LRRN3: variants seen among roughly 807,000 people sequenced by gnomAD.
LRRN3 encodes leucine-rich repeat neuronal protein 3.
LRRN3 carries 15 observed loss-of-function variants against 40.1 expected under a neutral mutation model. The observed-to-expected ratio is 0.37, with a 90% CI of 0.25 to 0.58. LRRN3 has a LOEUF of 0.58. Ranked by LOEUF, LRRN3 falls within the 20% of genes least tolerant of loss-of-function variation. The pLI, the probability that LRRN3 is intolerant of heterozygous loss-of-function variation, is 0.72. For missense variants in LRRN3, 746 were observed against 837.7 expected, an observed-to-expected ratio of 0.89 and a Z score of 1.35; for synonymous variants, 308 against 297.2, an observed-to-expected ratio of 1.04 and a Z score of -0.37.
intron 2 of LRRN3, among the ~76,000 whole-genome samples, chr7:111,116,527 A>C (rs1431829389): frequency 6.6e-6 from 1 of 152,138 alleles, no homozygotes; most frequent in Admixed American, 6.5e-5. Context: ...CTAATAAACA[A>C]ATTTCTTTAT....
chr7:111,105,081 T>C (rs111577584), intron 2 of LRRN3, among the ~76,000 whole-genome samples: 147 of 151,986 alleles, frequency 9.7e-4, no homozygotes, highest in Non-Finnish European at 1.8e-3. Context: ...TCCTATTTCC[T>C]TACTAAAGGT....
intron 2 of LRRN3, among the ~76,000 whole-genome samples, chr7:111,110,124 G>C (rs373978907): frequency 4.6e-5 from 7 of 152,264 alleles, no homozygotes; most frequent in South Asian, 2.1e-4. Context: ...AACACAGTGA[G>C]ACTCTGTCTC....
At chr7:111,115,793 G>A (rs553899255) in intron 2 of LRRN3, among the ~76,000 whole-genome samples, 4 of 151,902 alleles carry the variant, frequency 2.6e-5, no homozygotes, top group Admixed American at 1.3e-4. Context: ...TCAGCCTCCC[G>A]AGTAGCTGGG....
chr7:111,117,534 G>C (rs1800034207), intron 2 of LRRN3, among the ~76,000 whole-genome samples: 2 of 152,090 alleles, frequency 1.3e-5, no homozygotes, highest in African/African-American at 2.4e-5. Context: ...CATTTCCTGA[G>C]AGTTGTCATA....
Position 111,124,008 on chromosome 7 carries a change from C to T in LRRN3, c.1236C>T (p.Phe412=), listed in dbSNP as rs746873893. ...GTCAGAATGTTCGGCAAGTGCATTT[C>T]AGGGACATGATGGAAATTTGTCTCC... ...FQGQNVRQVH[F]RDMMEICLPL... The change falls in exon 3 of 3, where the codon TTC becomes TTT. Residue 412 remains phenylalanine, a synonymous_variant. Transcript: ENST00000308478. The T allele has an allele frequency of 6.2e-7, 1 of 1,614,088 alleles. No homozygotes were observed. Among genetic ancestry groups the T allele is most frequent in the Non-Finnish European group, 8.5e-7 (1 of 1,179,988 alleles).
At chr7:111,116,004 C>T (rs1799839808) in intron 2 of LRRN3, among the ~76,000 whole-genome samples, 1 of 152,066 alleles carries the variant, frequency 6.6e-6, no homozygotes, top group African/African-American at 2.4e-5. Flanking sequence ...AAAACTATCC[C>T]CATGTAGCAC....
In LRRN3 at chr7:111,122,880, A is replaced by G; in HGVS notation, c.108A>G (p.Glu36=). The change falls in exon 3 of 3, where the codon GAA becomes GAG. Residue 36 remains glutamate (E), a synonymous_variant. Coordinates refer to ENST00000308478, the MANE Select transcript of LRRN3 (RefSeq NM_001099658.2). ...ATTGTCCACGGTTATGTACGTGTGA[A>G]ATCAGGCCTTGGTTTACACCCAGAT... ...KVDCPRLCTC[E]IRPWFTPRSI... 1 of 1,614,050 alleles carries G rather than the reference A, an allele frequency of 6.2e-7. No individual in the cohort carries two copies. The highest frequency in any genetic ancestry group is 1.1e-5 in the South Asian group (1 of 91,086).
intron 2 of LRRN3, among the ~76,000 whole-genome samples, chr7:111,117,156 C>A (rs1799978571): frequency 6.6e-6 from 1 of 151,892 alleles, no homozygotes; most frequent in Non-Finnish European, 1.5e-5. Context: ...TGGCATGGGA[C>A]TAGAGTATTG....
rs34643951 is a variant in LRRN3, at chr7:111,123,672, C to T, written c.900C>T (p.Ile300=). The T allele has an allele frequency of 4.4e-4, 710 of 1,613,832 alleles. 2 individuals carry two copies. The African/African-American group carries it at 7.6e-3, about 17-fold the overall frequency. The change falls in exon 3 of 3, where the codon ATC becomes ATT. Residue 300 remains isoleucine, a synonymous_variant. Coordinates refer to ENST00000308478, the MANE Select transcript of LRRN3 (RefSeq NM_001099658.2). This position sits in a 1 kb window ranked among gnomAD's most constrained non-coding sequence, Gnocchi z 6.4. ...ATAATATGCCTGAGCTGATTTCCAT[C>T]GATAGTCTTGCTGTGGATAACCTGC... ...GINNMPELIS[I]DSLAVDNLPD...
At chr7:111,102,130 T>C (rs993106577) in intron 2 of LRRN3, among the ~76,000 whole-genome samples, 2 of 151,478 alleles carry the variant, frequency 1.3e-5, no homozygotes, top group Admixed American at 1.3e-4. Flanking sequence ...TATATTGGGA[T>C]AGATTTTACA....
At chr7:111,097,134 G>A (rs1275531908) in intron 1 of LRRN3, 1 of 151,754 alleles carries the variant, frequency 6.6e-6, no homozygotes, top group East Asian at 1.9e-4. Flanking sequence ...TCAGTTAAAG[G>A]TTAGTATCAA....
intron 2 of LRRN3, among the ~76,000 whole-genome samples, chr7:111,118,782 C>A (rs180802677): frequency 1.3e-5 from 2 of 151,962 alleles, no homozygotes; most frequent in South Asian, 2.1e-4. Flanking sequence ...GCTAAAGAAA[C>A]GATAAATTTC....
chr7:111,116,577 C>A (rs970136788), intron 2 of LRRN3, among the ~76,000 whole-genome samples: 13 of 152,138 alleles, frequency 8.5e-5, no homozygotes, highest in African/African-American at 2.9e-4. Context: ...TTTCACAGGA[C>A]ATTAACAATC....
At chr7:111,111,886 A>G (rs1799249037) in intron 2 of LRRN3, among the ~76,000 whole-genome samples, 1 of 150,338 alleles carries the variant, frequency 6.7e-6, no homozygotes, top group African/African-American at 2.4e-5. Context: ...GGTGACAGGA[A>G]AAAGGAAATG....
At chr7:111,106,311 G>GACA (rs1289804329) in intron 2 of LRRN3, among the ~76,000 whole-genome samples, 1 of 151,902 alleles carries the variant, frequency 6.6e-6, no homozygotes, top group Non-Finnish European at 1.5e-5. Flanking sequence ...TGGCAAGTTT[G>GACA]ACAACTTTTC....
chr7:111,108,935 C>A (rs556646259), intron 2 of LRRN3, among the ~76,000 whole-genome samples: 2 of 152,260 alleles, frequency 1.3e-5, no homozygotes, highest in South Asian at 4.1e-4. Flanking sequence ...TCTAGCTAGG[C>A]ATTGGAGATC....
intron 1 of LRRN3, among the ~76,000 whole-genome samples, chr7:111,092,854 G>A (rs756985136): frequency 2.0e-5 from 3 of 152,136 alleles, no homozygotes; most frequent in Non-Finnish European, 4.4e-5. Flanking sequence ...TTCATCTTCT[G>A]GAGCTCTCTC....
Position 111,122,824 on chromosome 7 carries a change from A to AC in LRRN3, c.53dup (p.Leu19ThrfsTer7). ...TGTGCTACTTGGCCTAGCTATCACT[A>AC]CACTAGTACAAGCTGTAGATAAAAA... On this transcript the variant is annotated frameshift_variant, in exon 3 of 3. Transcript: ENST00000308478. LOFTEE classifies it high-confidence loss of function. The AC allele has an allele frequency of 6.2e-7, 1 of 1,613,924 alleles. No individual in the cohort carries two copies. Among genetic ancestry groups the AC allele is most frequent in the Non-Finnish European group, 8.5e-7 (1 of 1,179,886 alleles).
intron 2 of LRRN3, among the ~76,000 whole-genome samples, chr7:111,113,207 G>A (rs1167393697): frequency 6.6e-6 from 1 of 152,058 alleles, no homozygotes; most frequent in Non-Finnish European, 1.5e-5. Context: ...TTGTCCACAG[G>A]CTTCCTTACC....
Sources: gnomAD v4.1 joint callset for allele counts (sites outside exome capture counted in the v4.1 genomes callset) on GRCh38, gnomAD v4.1.1 for gene constraint, Gnocchi (gnomAD v3.1) non-coding constraint, MANE v1.5 for transcripts, NCBI Gene and HGNC (gene_info 2026-07-23, HGNC 2026-07-21) for gene names.